The following CYP4X1 variants were observed in gnomAD, a reference collection of about 807,000 sequenced individuals.
CYP4X1 encodes cytochrome P450 4X1.
A neutral mutation model predicts 57.9 loss-of-function variants in CYP4X1; 44 were observed. The ratio of observed to expected loss-of-function variants is 0.76; its 90% CI spans 0.60 to 0.98. The LOEUF is 0.98. CYP4X1 is among the 50% of genes least tolerant of loss of function. The pLI, the probability that CYP4X1 is intolerant of heterozygous loss-of-function variation, is 0.00. For synonymous variants in CYP4X1, 227 were observed against 228.6 expected (o/e 0.99, Z 0.06); for missense variants, 532 against 623.9 (o/e 0.85, Z 1.57).
intron 9 of CYP4X1, among the ~76,000 whole-genome samples, chr1:47,048,091 A>G (rs1334859082): frequency 7.9e-5 from 12 of 151,444 alleles, no homozygotes; most frequent in South Asian, 2.1e-4. Flanking sequence ...AAAAAAAAAA[A>G]AGAGAGAGAT....
downstream of CYP4X1, among the ~76,000 whole-genome samples, chr1:47,053,069 T>TC (rs1644369565): frequency 6.7e-6 from 1 of 148,408 alleles, no homozygotes; most frequent in Non-Finnish European, 1.5e-5. Flanking sequence ...CCCTCCCCCA[T>TC]CCCCCACCCC....
rs72892611 is a variant in CYP4X1, at chr1:47,031,403, G to T, written c.320-33G>T. On this transcript the variant is annotated intron_variant, in intron 2 of 11. Transcript: ENST00000371901. ...ACTGATAATGAATGCTCCCTCTAAT[G>T]ATGTCTTTTGTTTCCTCTGCTTGAC... is the stretch of plus-strand genomic sequence containing the variant. 3.4e-3 allele frequency: 5,459 copies of T among 1,612,226 alleles called. 152 individuals carry two copies. The African/African-American group carries it at 0.062, about 18-fold the overall frequency.
At chr1:47,012,661 G>T in the CYP4X1 span, among the ~76,000 whole-genome samples, 1 of 152,112 alleles carries the variant, frequency 6.6e-6, no homozygotes, top group East Asian at 1.9e-4. Context: ...CTTTGCAACA[G>T]CTCCCAAGAG....
At chr1:47,049,849 C>T in intron 11 of CYP4X1, 151 bp from the exon 12 acceptor site, 1 of 855,766 alleles carries the variant, frequency 1.2e-6, no homozygotes, top group East Asian at 2.5e-5. Flanking sequence ...TCACAGTGAA[C>T]AATTTAAGTC....
the CYP4X1 span, chr1:46,961,697 A>C: frequency 7.7e-7 from 1 of 1,294,822 alleles, no homozygotes; most frequent in Admixed American, 2.3e-5. Context: ...GACCCAACCA[A>C]CTTCTTCACT....
chr1:47,005,541 A>G, the CYP4X1 span, among the ~76,000 whole-genome samples: 1 of 152,202 alleles, frequency 6.6e-6, no homozygotes, highest in African/African-American at 2.4e-5. Flanking sequence ...ATCTTCATTT[A>G]TATGTGTGTA....
chr1:47,031,448 A>G lies in CYP4X1; in HGVS notation c.332A>G (p.Gln111Arg). Residue 111 changes from glutamine (Q) to arginine (R), a missense_variant, in exon 3 of 12, where the codon CAG becomes CGG. Coordinates refer to ENST00000371901, the MANE Select transcript of CYP4X1 (RefSeq NM_178033.2). ...TLLSRTDPKS[Q>R]YLQKFSPPLL... The stretch of plus-strand genomic sequence containing the variant: ...CTTGACTCTGCAGATCCCAAGTCCC[A>G]GTACCTGCAGAAATTCTCACCTCCA... 6.2e-7 allele frequency: 1 copy of G among 1,614,112 alleles called. No individual in the cohort carries two copies. The highest frequency in any genetic ancestry group is 1.1e-5 in the South Asian group (1 of 91,062).
intron 6 of CYP4X1, among the ~76,000 whole-genome samples, chr1:47,036,503 G>C (rs1383025753): frequency 2.0e-5 from 3 of 151,610 alleles, no homozygotes; most frequent in Admixed American, 2.0e-4. Context: ...ATAATGACAA[G>C]CTAAAAACAT....
At chr1:46,969,928 T>G in the CYP4X1 span, among the ~76,000 whole-genome samples, 2 of 152,216 alleles carry the variant, frequency 1.3e-5, no homozygotes, top group Admixed American at 6.5e-5. Flanking sequence ...AAAATTTTGT[T>G]GGGCAAGATA....
the CYP4X1 span, chr1:46,961,535 A>T: frequency 8.3e-7 from 1 of 1,204,408 alleles, no homozygotes; most frequent in Non-Finnish European, 1.1e-6. Flanking sequence ...CACAGGGGTG[A>T]GGTGTTCTTG....
the CYP4X1 span, chr1:46,967,973 A>G: frequency 3.4e-6 from 1 of 297,694 alleles, no homozygotes; most frequent in African/African-American, 2.2e-5. Context: ...TCACTCTTCC[A>G]CAGTGTGTGG....
rs114105581 is a variant in CYP4X1 at position 47,028,006 on chromosome 1, C to T, written c.178-1984C>T. 3.7e-3 allele frequency among the ~76,000 whole-genome samples: 560 copies of T among 152,266 alleles called. 8 individuals are homozygous for T. The highest frequency in any genetic ancestry group is 0.013 in the African/African-American group (531 of 41,532). On this transcript the variant is annotated intron_variant, in intron 1 of 11. Coordinates refer to ENST00000371901, the MANE Select transcript of CYP4X1 (RefSeq NM_178033.2). The stretch of plus-strand genomic sequence containing the variant: ...CTAGTGCATGGTACAGTTCCTGGTG[C>T]ATAATAGGTGCTCAATAAATCCTTT...
At chr1:46,973,712 A>G in the CYP4X1 span, among the ~76,000 whole-genome samples, 2 of 152,088 alleles carry the variant, frequency 1.3e-5, no homozygotes. Flanking sequence ...GTTTGTGTGC[A>G]TAGATGTGTT....
upstream of CYP4X1, among the ~76,000 whole-genome samples, chr1:47,018,827 G>A (rs1312564120): frequency 1.3e-5 from 2 of 152,194 alleles, no homozygotes; most frequent in South Asian, 2.1e-4. Context: ...TTGGAGACTT[G>A]TAGCCAGAAA....
In CYP4X1 at chr1:47,048,645, G is replaced by A; in HGVS notation, c.1272+16G>A. 6.2e-7 allele frequency: 1 copy of A among 1,604,752 alleles called. No individual in the cohort carries two copies. The highest frequency in any genetic ancestry group is 1.1e-5 in the South Asian group (1 of 88,796). On this transcript the variant is annotated intron_variant, in intron 10 of 11. Coordinates refer to ENST00000371901, the MANE Select transcript of CYP4X1 (RefSeq NM_178033.2). The stretch of plus-strand genomic sequence containing the variant: ...AAACCCAAAGGTATGATTCTCTCTT[G>A]TACATAAATACTTCCAAGAACTAAT...
the CYP4X1 span, among the ~76,000 whole-genome samples, chr1:46,965,788 T>C: frequency 6.6e-6 from 1 of 152,350 alleles, no homozygotes; most frequent in African/African-American, 2.4e-5. Context: ...GTATTCTCTA[T>C]AGCTGGCAGG....
At chr1:47,043,955 C>T (rs1030395343) in intron 8 of CYP4X1, among the ~76,000 whole-genome samples, 6 of 151,860 alleles carry the variant, frequency 4.0e-5, no homozygotes, top group Non-Finnish European at 7.4e-5. Flanking sequence ...TATTTTTTTC[C>T]AACCCTTCGC....
upstream of CYP4X1, among the ~76,000 whole-genome samples, chr1:47,021,268 A>G (rs1304130809): frequency 6.6e-6 from 1 of 151,886 alleles, no homozygotes; most frequent in African/African-American, 2.4e-5. Flanking sequence ...AATTTTCTAA[A>G]TTCCTTTCTC....
At chr1:46,970,973 G>C in the CYP4X1 span, among the ~76,000 whole-genome samples, 4 of 152,154 alleles carry the variant, frequency 2.6e-5, no homozygotes, top group African/African-American at 9.7e-5. Context: ...GTGCAGGTTT[G>C]TTAGATAGGT....
Sources: allele counts gnomAD v4.1 joint callset (sites outside exome capture counted in the v4.1 genomes callset), GRCh38; gene constraint gnomAD v4.1.1; transcripts MANE v1.5; gene names NCBI Gene and HGNC (gene_info 2026-07-23, HGNC 2026-07-21).